The following IRF4 variants were observed in gnomAD, a reference collection of about 807,000 sequenced individuals.
The protein encoded by IRF4 is interferon regulatory factor 4, also known as lymphocyte-specific interferon regulatory factor.
Under a neutral mutation model 55.5 loss-of-function variants are expected in IRF4, and 13 were observed. The observed-to-expected ratio is 0.23, with a 90% CI of 0.15 to 0.37. The LOEUF (loss-of-function observed/expected upper bound fraction) is 0.37. IRF4 is among the 10% of genes least tolerant of loss of function. The probability of loss-of-function intolerance (pLI) is 1.00; values close to 1 mark genes in which losing one functional copy is unlikely to be tolerated. For missense variants in IRF4, 397 were observed against 593.8 expected (o/e 0.67, Z 3.44); for synonymous variants, 249 against 240.7 (o/e 1.03, Z -0.32).
intron 8 of IRF4, chr6:406,942 G>T: frequency 9.9e-7 from 1 of 1,012,140 alleles, no homozygotes; most frequent in Non-Finnish European, 1.2e-6. Flanking sequence ...ATAAATTTGA[G>T]GCCAGTTAGC....
intron 5 of IRF4, among the ~76,000 whole-genome samples, chr6:398,286 G>A (rs759930787): frequency 1.6e-4 from 24 of 152,168 alleles, no homozygotes; most frequent in Admixed American, 3.3e-4. Context: ...TTGAAGCATC[G>A]GTAACAGTAA....
rs1304887513 is a variant in IRF4, at chr6:393,403, G to A, written c.216+35G>A. On this transcript the variant is annotated intron_variant, in intron 2 of 8. Coordinates refer to ENST00000380956, the MANE Select transcript of IRF4 (RefSeq NM_002460.4). The surrounding 1 kb of genome is among the most constrained non-coding windows in gnomAD (Gnocchi z 5.4). ...CTCGGGAGCCGGCGGGGGCGCGCCGGGGAGGGCCCAGAGACAGAGCCCGGG... is the reference window on the plus strand; with the variant it reads ...CTCGGGAGCCGGCGGGGGCGCGCCGAGGAGGGCCCAGAGACAGAGCCCGGG... 1.3e-6 allele frequency: 2 copies of A among 1,500,688 alleles called. No homozygotes were observed. The highest frequency in any genetic ancestry group is 1.8e-6 in the Non-Finnish European group (2 of 1,114,334). 93.0% of individuals were successfully genotyped at this position (1,500,688 alleles called of 1,614,324 possible). A position where few individuals can be genotyped will look rare whatever the true frequency, so the allele number is the denominator to read the frequency against.
Position 398,824 on chromosome 6 carries a change from G to T in IRF4, c.638-4G>T, listed in dbSNP as rs1230648343. The stretch of plus-strand genomic sequence containing the variant: ...CATCATCTGATTTTTATTTGCAAAT[G>T]CAGGTTGCCAGGTGACAGGAACCTT... On this transcript the variant is annotated splice_polypyrimidine_tract_variant and splice_region_variant and intron_variant, in intron 5 of 8. Coordinates refer to ENST00000380956, the MANE Select transcript of IRF4 (RefSeq NM_002460.4). 2.5e-6 allele frequency: 4 copies of T among 1,609,686 alleles called. No individual in the cohort carries two copies. Among genetic ancestry groups the T allele is most frequent in the Non-Finnish European group, 3.4e-6 (4 of 1,176,406 alleles).
chr6:401,089 T>C (rs1223776126), intron 6 of IRF4, among the ~76,000 whole-genome samples: 1 of 152,202 alleles, frequency 6.6e-6, no homozygotes, highest in Non-Finnish European at 1.5e-5. Flanking sequence ...GAATTCAACT[T>C]ACATTTCCAG....
At chr6:394,328 G>C (rs914802233) in intron 2 of IRF4, among the ~76,000 whole-genome samples, 1 of 152,192 alleles carries the variant, frequency 6.6e-6, no homozygotes, top group Non-Finnish European at 1.5e-5. Context: ...CTTCAACTTG[G>C]CAGTGATAGG....
At chr6:397,534 A>G (rs771145742) in intron 5 of IRF4, 29 of 366,958 alleles carry the variant, frequency 7.9e-5, no homozygotes, top group Admixed American at 3.0e-4. Context: ...CCCACTTTTT[A>G]TATAGAGAGG....
intron 6 of IRF4, among the ~76,000 whole-genome samples, chr6:399,574 A>G (rs1221426146): frequency 6.6e-6 from 1 of 151,958 alleles, no homozygotes; most frequent in Non-Finnish European, 1.5e-5. Context: ...AGGCTTGGCA[A>G]GCACACGTGC....
Position 411,063 on chromosome 6 carries a change from G to C in IRF4, c.*3465G>C. The stretch of plus-strand genomic sequence containing the variant: ...TAAGAAATGTAGCTGAAGTAGAGGG[G>C]ACGTGAGAGAAGGGCCAGGCCGGCA... On this transcript the variant is annotated 3_prime_UTR_variant, in exon 9 of 9. Coordinates refer to ENST00000380956, the MANE Select transcript of IRF4 (RefSeq NM_002460.4). 1 of 233,826 alleles carries C rather than the reference G, an allele frequency of 4.3e-6. No homozygotes were observed. The highest frequency in any genetic ancestry group is 8.5e-6 in the Non-Finnish European group (1 of 118,288). 14.5% of individuals were successfully genotyped at this position (233,826 alleles called of 1,614,324 possible).
chr6:406,760 T>C, intron 8 of IRF4: 1 of 1,175,428 alleles, frequency 8.5e-7, no homozygotes, highest in South Asian at 1.4e-5. Context: ...ATTTAATTCA[T>C]TTCAGGTACT....
rs528867450 is a variant in IRF4 at position 408,227 on chromosome 6, C to T, written c.*629C>T. ...AGATGTAAATTGAAGAAGCCTCACA[C>T]GTAAAAGAAATGTATTAATGTATGT... On this transcript the variant is annotated 3_prime_UTR_variant, in exon 9 of 9. Transcript: ENST00000380956. The T allele has an allele frequency of 1.1e-4, 26 of 232,884 alleles. No homozygotes were observed. The South Asian group carries it at 3.6e-3, about 32-fold the overall frequency. 14.4% of individuals were successfully genotyped at this position (232,884 alleles called of 1,614,324 possible). A position where few individuals can be genotyped will look rare whatever the true frequency, so the allele number is the denominator to read the frequency against.
chr6:405,242 T>C, intron 8 of IRF4, 112 bp downstream of exon 8: 1 of 675,346 alleles, frequency 1.5e-6, no homozygotes, highest in South Asian at 1.8e-5. Context: ...CCTGGAAAAA[T>C]AAGCGTAACC....
chr6:403,890 C>G (rs567510865), intron 7 of IRF4, among the ~76,000 whole-genome samples: 1 of 151,762 alleles, frequency 6.6e-6, no homozygotes, highest in African/African-American at 2.4e-5. Flanking sequence ...GGTGTAGTCT[C>G]AGATCACGGC....
At position 408,719 on chromosome 6, in the gene IRF4, A is replaced by G; in HGVS notation, c.*1121A>G. 4.3e-6 allele frequency: 1 copy of G among 231,442 alleles called. No individual in the cohort carries two copies. The highest frequency in any genetic ancestry group is 8.6e-6 in the Non-Finnish European group (1 of 116,826). The allele number at this position is 231,442 out of a possible 1,614,324, so 14.3% of individuals were successfully genotyped here. ...CCTCTGTTTGTTTGGCTGTCCAGCGATCAGCCATGGCGACACTAAAGGAGG... is the reference window on the plus strand; with the variant it reads ...CCTCTGTTTGTTTGGCTGTCCAGCGGTCAGCCATGGCGACACTAAAGGAGG... On this transcript the variant is annotated 3_prime_UTR_variant, in exon 9 of 9. Transcript: ENST00000380956.
chr6:393,018 TG>T lies in IRF4; in HGVS notation c.-55-78del. The T allele has an allele frequency of 1.3e-6, 1 of 788,322 alleles. No individual in the cohort carries two copies. Among genetic ancestry groups the T allele is most frequent in the Non-Finnish European group, 2.0e-6 (1 of 511,706 alleles). The allele number at this position is 788,322 out of a possible 1,614,324, so 48.8% of individuals were successfully genotyped here. A position where few individuals can be genotyped will look rare whatever the true frequency, so the allele number is the denominator to read the frequency against. ...CAGCCTCAAAGACTCCGGGGCCTCG[TG>T]GTCACTGGCGCAGGGGATCGGGGCG... On this transcript the variant is annotated intron_variant, in intron 1 of 8. Coordinates refer to ENST00000380956, the MANE Select transcript of IRF4 (RefSeq NM_002460.4). This position sits in a 1 kb window ranked among gnomAD's most constrained non-coding sequence, Gnocchi z 5.4.
At position 393,353 on chromosome 6, in the gene IRF4, C is replaced by T; in HGVS notation, c.201C>T (p.Asp67=). 1 of 1,599,150 alleles carries T rather than the reference C, an allele frequency of 6.3e-7. No individual in the cohort carries two copies. The highest frequency in any genetic ancestry group is 1.3e-5 in the African/African-American group (1 of 74,688). The change falls in exon 2 of 9, where the codon GAC becomes GAT. Residue 67 remains aspartate, a synonymous_variant. Transcript: ENST00000380956. The surrounding 1 kb of genome is among the most constrained non-coding windows in gnomAD (Gnocchi z 5.4). The stretch of plus-strand genomic sequence containing the variant: ...AGCAGGACTACAACCGCGAGGAGGA[C>T]GCCGCGCTCTTCAAGGTCTCCGGCC... ...AGKQDYNREE[D]AALFKAWALF...
At chr6:398,284 T>C (rs1174696500) in intron 5 of IRF4, among the ~76,000 whole-genome samples, 2 of 152,198 alleles carry the variant, frequency 1.3e-5, no homozygotes, top group Non-Finnish European at 2.9e-5. Context: ...TCTTGAAGCA[T>C]CGGTAACAGT....
At chr6:404,163 G>C (rs967577287) in intron 7 of IRF4, among the ~76,000 whole-genome samples, 1 of 152,202 alleles carries the variant, frequency 6.6e-6, no homozygotes, top group Non-Finnish European at 1.5e-5. Flanking sequence ...GTGTCAACTC[G>C]TTTCTTTTGC....
intron 7 of IRF4, among the ~76,000 whole-genome samples, chr6:404,370 C>T (rs545074075): frequency 6.6e-6 from 1 of 152,338 alleles, no homozygotes; most frequent in African/African-American, 2.4e-5. Context: ...GGCTGCCCCA[C>T]TCCTGTTCTC....
Position 408,246 on chromosome 6 carries a change from T to C in IRF4, c.*648T>C, listed in dbSNP as rs7768807. On this transcript the variant is annotated 3_prime_UTR_variant, in exon 9 of 9. Coordinates refer to ENST00000380956, the MANE Select transcript of IRF4 (RefSeq NM_002460.4). ...CTCACACGTAAAAGAAATGTATTAA[T>C]GTATGTAGGAGCTGCAGTTCTTGTG... is the stretch of plus-strand genomic sequence containing the variant. The C allele has an allele frequency of 0.27, 61,983 of 231,996 alleles. 8,347 individuals carry two copies. The highest frequency in any genetic ancestry group is 0.33 in the East Asian group (5,359 of 16,362). 14.4% of individuals were successfully genotyped at this position (231,996 alleles called of 1,614,324 possible).
Sources: allele counts gnomAD v4.1 joint callset (sites outside exome capture counted in the v4.1 genomes callset), GRCh38; gene constraint gnomAD v4.1.1; non-coding constraint Gnocchi (gnomAD v3.1); transcripts MANE v1.5; gene names NCBI Gene and HGNC (gene_info 2026-07-23, HGNC 2026-07-21).